The following SOX5 variants were observed in gnomAD, a reference collection of about 807,000 sequenced individuals.
SOX5 encodes the protein transcription factor SOX-5.
SOX5 carries 9 observed loss-of-function variants against 92.0 expected under a neutral mutation model. The observed-to-expected ratio is 0.10, with a 90% CI of 0.06 to 0.17. The LOEUF (loss-of-function observed/expected upper bound fraction) is 0.17, where lower values mean the gene tolerates loss of function less well. Ranked by LOEUF, SOX5 falls within the 10% of genes least tolerant of loss-of-function variation. The probability of loss-of-function intolerance (pLI) is 1.00; values close to 1 mark genes in which losing one functional copy is unlikely to be tolerated. For synonymous variants in SOX5, 344 were observed against 336.3 expected (o/e 1.02, Z -0.25); for missense variants, 642 against 944.5 (o/e 0.68, Z 4.20).
intron 4 of SOX5, among the ~76,000 whole-genome samples, chr12:24,096,812 G>A (rs1024657820): frequency 1.3e-5 from 2 of 151,934 alleles, no homozygotes; most frequent in Non-Finnish European, 2.9e-5. Flanking sequence ...TAACTTTTTG[G>A]TTATGATTAG....
At chr12:24,232,410 G>C (rs764441981) in intron 3 of SOX5, among the ~76,000 whole-genome samples, 27 of 152,162 alleles carry the variant, frequency 1.8e-4, no homozygotes, top group Non-Finnish European at 3.2e-4. Flanking sequence ...CTGTAAAGAT[G>C]TAAGAACAAT....
At chr12:24,358,442 C>T (rs1175451290) in intron 2 of SOX5, among the ~76,000 whole-genome samples, 2 of 151,920 alleles carry the variant, frequency 1.3e-5, no homozygotes, top group Non-Finnish European at 2.9e-5. Context: ...GTATCTTTCC[C>T]AAGAAATAAT....
At chr12:24,232,527 G>A (rs1225701568) in intron 3 of SOX5, among the ~76,000 whole-genome samples, 3 of 152,150 alleles carry the variant, frequency 2.0e-5, no homozygotes, top group Non-Finnish European at 2.9e-5. Context: ...TCCTTCAAGG[G>A]AATAATCCTG....
chr12:24,213,419 T>TAAAAC (rs1958854170), intron 3 of SOX5: 1 of 96,864 alleles, frequency 1.0e-5, no homozygotes, highest in African/African-American at 4.0e-5. Context: ...CTTGAAATGC[T>TAAAAC]AAAAAAAAAA....
intron 8 of SOX5, among the ~76,000 whole-genome samples, chr12:23,621,391 C>A (rs1241890060): frequency 6.6e-6 from 1 of 152,034 alleles, no homozygotes; most frequent in Non-Finnish European, 1.5e-5. Flanking sequence ...GGTTATATAA[C>A]ATTGTATATA....
Position 23,876,660 on chromosome 12 carries a change from T to C in SOX5, c.270+19133A>G, listed in dbSNP as rs1472742024. On this transcript the variant is annotated intron_variant, in intron 2 of 14. Transcript: ENST00000451604. The stretch of plus-strand genomic sequence containing the variant: ...CATTACTGGGTATATACCCAAAGGA[T>C]TATAAATCATTCTACTATAAAGACA... 2.0e-5 allele frequency among the ~76,000 whole-genome samples: 3 copies of C among 152,288 alleles called. No individual in the cohort carries two copies. The East Asian group carries it at 5.8e-4, about 29-fold the overall frequency.
intron 1 of SOX5, among the ~76,000 whole-genome samples, chr12:23,937,553 T>G (rs1942842787): frequency 6.6e-6 from 1 of 150,982 alleles, no homozygotes; most frequent in South Asian, 2.1e-4. Flanking sequence ...CACCATAGTA[T>G]TCAGGCAACA....
chr12:24,293,999 A>G (rs1296808313), intron 2 of SOX5, among the ~76,000 whole-genome samples: 1 of 152,238 alleles, frequency 6.6e-6, no homozygotes, highest in African/African-American at 2.4e-5. Context: ...ACCATTTATA[A>G]CATTATTCTG....
At chr12:23,741,305 GAAT>G (rs2093788216) in intron 4 of SOX5, among the ~76,000 whole-genome samples, 1 of 152,122 alleles carries the variant, frequency 6.6e-6, no homozygotes, top group South Asian at 2.1e-4. Flanking sequence ...CAAACATTTT[GAAT>G]GTTTTTACAC....
Position 24,194,424 on chromosome 12 carries a change from GGTAGGTAT to G in SOX5, c.-2+18911_-2+18918del, listed in dbSNP as rs536534796. Among the ~76,000 whole-genome samples, 852 of 104,292 alleles carry G rather than the reference GGTAGGTAT, an allele frequency of 8.2e-3. 9 individuals are homozygous for G. The highest frequency in any genetic ancestry group is 0.037 in the African/African-American group (720 of 19,710). 68.4% of individuals were successfully genotyped at this position (104,292 alleles called of 152,430 possible). A position where few individuals can be genotyped will look rare whatever the true frequency, so the allele number is the denominator to read the frequency against. On this transcript the variant is annotated intron_variant, in intron 4 of 4. Transcript: ENST00000446891. The stretch of plus-strand genomic sequence containing the variant: ...ATCTAGATAGGTAGGTAGGTAGGTA[GGTAGGTAT>G]GTAGGTAGGTAGGTAGGTAGGTAGA...
intron 4 of SOX5, among the ~76,000 whole-genome samples, chr12:24,158,637 C>T (rs1308623937): frequency 6.6e-6 from 1 of 151,868 alleles, no homozygotes; most frequent in Admixed American, 6.6e-5. Flanking sequence ...AAACTTATTC[C>T]AGTAAATCTA....
At chr12:23,661,037 T>C (rs540135801) in intron 7 of SOX5, among the ~76,000 whole-genome samples, 1 of 152,324 alleles carries the variant, frequency 6.6e-6, no homozygotes, top group South Asian at 2.1e-4. Context: ...AAATATTCTC[T>C]ATCTGTAGCT....
chr12:23,608,115 GAAAAAAAAA>G (rs772255622), intron 8 of SOX5, among the ~76,000 whole-genome samples: 88 of 44,090 alleles, frequency 2.0e-3, no homozygotes, highest in Admixed American at 1.9e-3. Flanking sequence ...AAAGAAAAAA[GAAAAAAAAA>G]AAAAAAAAAA....
At chr12:23,952,116 A>G (rs1945734561), upstream of SOX5, among the ~76,000 whole-genome samples, 2 of 152,218 alleles carry the variant, frequency 1.3e-5, no homozygotes, top group Admixed American at 1.3e-4. Context: ...AACTAGGAAA[A>G]ATCTTGCTTA....
intron 4 of SOX5, among the ~76,000 whole-genome samples, chr12:24,155,177 T>C (rs1308553271): frequency 6.6e-6 from 1 of 152,064 alleles, no homozygotes; most frequent in Non-Finnish European, 1.5e-5. Flanking sequence ...TATTGATACA[T>C]ATTATTTTCA....
chr12:24,275,657 A>G (rs929749412), intron 3 of SOX5, among the ~76,000 whole-genome samples: 3 of 152,176 alleles, frequency 2.0e-5, no homozygotes, highest in South Asian at 2.1e-4. Flanking sequence ...TAAAAGAAAT[A>G]TAAAATTTTA....
intron 8 of SOX5, among the ~76,000 whole-genome samples, chr12:23,610,675 T>C (rs2075842333): frequency 6.6e-6 from 1 of 152,058 alleles, no homozygotes; most frequent in Admixed American, 6.6e-5. Flanking sequence ...AAAGAAAGGC[T>C]CATTAGTAAT....
chr12:24,334,913 T>TAAA (rs55668750), intron 2 of SOX5, among the ~76,000 whole-genome samples: 3,089 of 147,876 alleles, frequency 0.021, 45 homozygotes, highest in Middle Eastern at 0.065. Context: ...CCCAATTATG[T>TAAA]AAAAAAAAAA....
At chr12:24,346,474 T>C (rs1681770809) in intron 2 of SOX5, among the ~76,000 whole-genome samples, 2 of 149,752 alleles carry the variant, frequency 1.3e-5, no homozygotes, top group African/African-American at 2.5e-5. Context: ...TTTTTTGAGA[T>C]GGAGTCTCAC....
Sources: allele counts gnomAD v4.1 joint callset (sites outside exome capture counted in the v4.1 genomes callset), GRCh38; gene constraint gnomAD v4.1.1; transcripts MANE v1.5; gene names NCBI Gene and HGNC (gene_info 2026-07-23, HGNC 2026-07-21).